The following ARIH2 variants were observed in gnomAD, a reference collection of about 807,000 sequenced individuals.
ARIH2 encodes E3 ubiquitin-protein ligase ARIH2.
A neutral mutation model predicts 79.8 loss-of-function variants in ARIH2; 12 were observed. The observed-to-expected ratio is 0.15, with a 90% CI of 0.10 to 0.24. ARIH2 has a LOEUF of 0.24. Among genes scored for constraint, ARIH2 ranks in the 10% least tolerant of loss-of-function variants. The pLI is 1.00. For missense variants in ARIH2, 301 were observed against 618.3 expected (o/e 0.49, Z 5.44); for synonymous variants, 224 against 213.9 (o/e 1.05, Z -0.41).
intron 11 of ARIH2, chr3:48,975,202 A>G: frequency 1.5e-6 from 1 of 674,814 alleles, no homozygotes; most frequent in Non-Finnish European, 2.4e-6. Flanking sequence ...TATAGTCAGA[A>G]GTCAAGTTTG....
intron 5 of ARIH2, among the ~76,000 whole-genome samples, chr3:48,965,369 A>AG (rs1210675079): frequency 6.6e-6 from 1 of 152,096 alleles, no homozygotes; most frequent in African/African-American, 2.4e-5. Flanking sequence ...CAAAAAAAAA[A>AG]GGAGCTCTCT....
Position 48,985,777 on chromosome 3 carries a change from C to T in ARIH2, c.*2507C>T, listed in dbSNP as rs905539923. On this transcript the variant is annotated 3_prime_UTR_variant, in exon 16 of 16. Transcript: ENST00000356401. ...AATCCTGCCAGTTTTCCGCTCTCCTCTCCCTCAGTACAGGCTGAATCATTC... is the reference window on the plus strand; with the variant it reads ...AATCCTGCCAGTTTTCCGCTCTCCTTTCCCTCAGTACAGGCTGAATCATTC... 2 of 152,220 alleles carry T rather than the reference C, an allele frequency of 1.3e-5. No homozygotes were observed. The highest frequency in any genetic ancestry group is 4.8e-5 in the African/African-American group (2 of 41,422). The allele number at this position is 152,220 out of a possible 1,614,324, so 9.4% of individuals were successfully genotyped here. A position where few individuals can be genotyped will look rare whatever the true frequency, so the allele number is the denominator to read the frequency against.
intron 3 of ARIH2, among the ~76,000 whole-genome samples, chr3:48,937,027 C>CAA (rs1205479787): frequency 7.3e-6 from 1 of 136,876 alleles, no homozygotes; most frequent in Non-Finnish European, 1.6e-5. Context: ...GACTCCGTCT[C>CAA]AAAAAAAAAA....
At chr3:48,967,397 G>A (rs1020875103) in intron 6 of ARIH2, 122 bp downstream of exon 6, 1 of 1,110,274 alleles carries the variant, frequency 9.0e-7, no homozygotes, top group Non-Finnish European at 1.3e-6. Flanking sequence ...TTTATCATCA[G>A]AACTAGTGAT....
Position 48,968,555 on chromosome 3 carries a change from A to G in ARIH2, c.560A>G (p.Asp187Gly), listed in dbSNP as rs1336132245. Residue 187 changes from aspartate to glycine, a missense_variant, in exon 7 of 16, where the codon GAC becomes GGC. Transcript: ENST00000356401. The stretch of plus-strand genomic sequence containing the variant: ...ACAGGAGTCTCTTGCATGGCTCAGG[A>G]CTGTCCACTCCGTACACCAGAGGAC... ...VGVGVSCMAQ[D>G]CPLRTPEDFV... The G allele has an allele frequency of 1.2e-6, 2 of 1,610,564 alleles. No homozygotes were observed. The highest frequency in any genetic ancestry group is 2.7e-5 in the African/African-American group (2 of 74,782).
intron 11 of ARIH2, among the ~76,000 whole-genome samples, chr3:48,975,782 C>T (rs190359369): frequency 3.9e-5 from 6 of 152,130 alleles, no homozygotes; most frequent in Admixed American, 1.3e-4. Flanking sequence ...AGGCTGGTCT[C>T]GAACTCCTGA....
chr3:48,974,152 T>C (rs2092387674), intron 9 of ARIH2, among the ~76,000 whole-genome samples: 1 of 152,152 alleles, frequency 6.6e-6, no homozygotes, highest in South Asian at 2.1e-4. Context: ...ACTTGATACA[T>C]ATAAGGCTGT....
chr3:48,980,231 G>C, intron 12 of ARIH2, 122 bp from the exon 13 acceptor site: 2 of 994,572 alleles, frequency 2.0e-6, no homozygotes, highest in Non-Finnish European at 3.0e-6. Context: ...TGCACTTTGG[G>C]GAATAAGTTA....
chr3:48,945,298 A>G (rs2088957515), intron 3 of ARIH2: 2 of 878,176 alleles, frequency 2.3e-6, no homozygotes, highest in Non-Finnish European at 3.2e-6. Flanking sequence ...GGAGAGCTTC[A>G]GCCAGCTAGA....
intron 1 of ARIH2, chr3:48,919,263 C>T: frequency 2.6e-6 from 3 of 1,174,070 alleles, no homozygotes; most frequent in Non-Finnish European, 3.2e-6. Context: ...GGCGCCGGCA[C>T]ATCTAGGCCC....
intron 3 of ARIH2, among the ~76,000 whole-genome samples, chr3:48,940,562 AGAT>A (rs1426628315): frequency 6.6e-6 from 1 of 151,834 alleles, no homozygotes; most frequent in Non-Finnish European, 1.5e-5. Flanking sequence ...TGGATTGTGA[AGAT>A]TTCATGGACA....
At chr3:48,941,064 C>T (rs1490211887) in intron 3 of ARIH2, among the ~76,000 whole-genome samples, 8 of 150,212 alleles carry the variant, frequency 5.3e-5, no homozygotes, top group African/African-American at 2.0e-4. Context: ...CCCAGCTACT[C>T]GGGAGGCTGA....
chr3:48,968,773 C>T (rs945037485), intron 7 of ARIH2, 118 bp downstream of exon 7: 28 of 1,381,238 alleles, frequency 2.0e-5, no homozygotes, highest in Admixed American at 4.5e-5. Context: ...TCAAAGAAAG[C>T]GCTCCATGGC....
At chr3:48,953,312 T>A (rs2090176824) in intron 3 of ARIH2, among the ~76,000 whole-genome samples, 1 of 152,234 alleles carries the variant, frequency 6.6e-6, no homozygotes, top group African/African-American at 2.4e-5. Context: ...AAATCAGGAA[T>A]AATCTGTGAA....
chr3:48,979,725 G>A, intron 12 of ARIH2, 92 bp downstream of exon 12: 3 of 1,412,818 alleles, frequency 2.1e-6, no homozygotes, highest in Non-Finnish European at 2.9e-6. Context: ...GACAGAGCTA[G>A]CCTGTGCACA....
intron 3 of ARIH2, among the ~76,000 whole-genome samples, chr3:48,941,402 T>C (rs1355997328): frequency 6.6e-6 from 1 of 152,082 alleles, no homozygotes; most frequent in East Asian, 1.9e-4. Context: ...TTACATGTCA[T>C]AGAGAGTTAG....
Position 48,967,282 on chromosome 3 carries a change from C to A in ARIH2, c.538+7C>A. The A allele has an allele frequency of 1.2e-6, 2 of 1,613,272 alleles. No individual in the cohort carries two copies. Among genetic ancestry groups the A allele is most frequent in the South Asian group, 2.2e-5 (2 of 90,954 alleles). On this transcript the variant is annotated splice_region_variant and intron_variant, in intron 6 of 15. Transcript: ENST00000356401. ...AAGGACGGCGTGGGCGTGGGTGAGT[C>A]TGCCACAAAACTTATAAAAAGCTGG... is the stretch of plus-strand genomic sequence containing the variant.
chr3:48,932,289 G>T (rs972135345), intron 3 of ARIH2, among the ~76,000 whole-genome samples: 2 of 152,192 alleles, frequency 1.3e-5, no homozygotes, highest in Non-Finnish European at 2.9e-5. Flanking sequence ...ATCACAAATG[G>T]AATAGTCAAA....
chr3:48,982,278 C>G lies in ARIH2; in HGVS notation c.1326+550C>G, dbSNP rs574304723. Reference sequence around the variant, plus strand: ...TATATATAATCAAGGTTATATATAACATTTTATTGTTATAACAGTTTATTG... The same window carrying G: ...TATATATAATCAAGGTTATATATAAGATTTTATTGTTATAACAGTTTATTG... On this transcript the variant is annotated intron_variant, in intron 14 of 15. Coordinates refer to ENST00000356401, the MANE Select transcript of ARIH2 (RefSeq NM_006321.4). 2.0e-5 allele frequency among the ~76,000 whole-genome samples: 3 copies of G among 152,136 alleles called. No homozygotes were observed. The South Asian group carries it at 6.2e-4, about 32-fold the overall frequency.
Sources: gnomAD v4.1 joint callset for allele counts (sites outside exome capture counted in the v4.1 genomes callset) on GRCh38, gnomAD v4.1.1 for gene constraint, MANE v1.5 for transcripts, NCBI Gene and HGNC (gene_info 2026-07-23, HGNC 2026-07-21) for gene names.